DHPS: variants seen among roughly 807,000 people sequenced by gnomAD.
DHPS encodes the protein deoxyhypusine synthase.
DHPS carries 24 observed loss-of-function variants against 38.7 expected under a neutral mutation model. The observed-to-expected ratio is 0.62, with a 90% CI of 0.45 to 0.87. The LOEUF (loss-of-function observed/expected upper bound fraction) is 0.87. DHPS is among the 40% of genes least tolerant of loss of function. DHPS has a pLI of 0.00. For synonymous variants in DHPS, 250 were observed against 204.4 expected (o/e 1.22, Z -1.90); for missense variants, 510 against 497.6 (o/e 1.02, Z -0.24).
At chr19:12,681,486 GC>G (rs1271465714) in intron 1 of DHPS, 73 bp downstream of exon 1, 6 of 1,536,552 alleles carry the variant, frequency 3.9e-6, no homozygotes, top group Non-Finnish European at 5.4e-6. Context: ...TGGAAACGCT[GC>G]CCCCGTCTAG....
chr19:12,679,951 C>G, intron 2 of DHPS, 29 bp from the exon 3 acceptor site: 1 of 1,600,834 alleles, frequency 6.2e-7, no homozygotes, highest in Non-Finnish European at 8.5e-7. Context: ...GAATTTGGCC[C>G]AAGAAGGAAG....
At chr19:12,679,021 C>A (rs1409787840) in intron 5 of DHPS, among the ~76,000 whole-genome samples, 1 of 150,728 alleles carries the variant, frequency 6.6e-6, no homozygotes, top group African/African-American at 2.4e-5. Context: ...CCTGGCTGGG[C>A]ACAGTGGCTC....
At chr19:12,672,935 G>A (rs1422579680), downstream of DHPS, 1 of 1,595,428 alleles carries the variant, frequency 6.3e-7, no homozygotes, top group East Asian at 2.3e-5. Context: ...CTGGGGATGT[G>A]GGACAGGCAG....
chr19:12,681,514 CA>C, intron 1 of DHPS, 45 bp downstream of exon 1: 3 of 1,607,692 alleles, frequency 1.9e-6, no homozygotes, highest in Non-Finnish European at 2.6e-6. Context: ...GTTGGTTCTA[CA>C]AGCCACGCCC....
chr19:12,675,589 G>A (rs1457869825), downstream of DHPS: 2 of 1,605,580 alleles, frequency 1.2e-6, no homozygotes, highest in African/African-American at 1.3e-5. Flanking sequence ...CCACCCAACA[G>A]AGCCCTGCCT....
rs1010577920 is a variant in DHPS, at chr19:12,681,819, G to A, written c.-53C>T. 1.9e-6 allele frequency: 3 copies of A among 1,543,292 alleles called. No homozygotes were observed. In the African/African-American group the frequency reaches 4.1e-5, roughly 21 times the overall value. On this transcript the variant is annotated 5_prime_UTR_variant, in exon 1 of 9. Coordinates refer to ENST00000210060, the MANE Select transcript of DHPS (RefSeq NM_001930.4). ...GCTGCCCCTAGGCCGGGCTTACGGC[G>A]GCCCAGAAACGCGTTAAACCCCGAC...
In DHPS at chr19:12,676,010, C is replaced by T. The variant is rs373795746; in HGVS notation, c.1014+7G>A. On this transcript the variant is annotated splice_region_variant and intron_variant, in intron 8 of 8. Transcript: ENST00000210060. ...GAGACCCTATGCCCCACCCAGCCAG[C>T]GCTTACCTTGACGGGCTGTGCATCC... is the stretch of plus-strand genomic sequence containing the variant. 8.1e-6 allele frequency: 13 copies of T among 1,613,028 alleles called. No individual in the cohort carries two copies. Among genetic ancestry groups the T allele is most frequent in the Non-Finnish European group, 1.1e-5 (13 of 1,179,432 alleles).
chr19:12,677,369 G>A lies in DHPS; in HGVS notation c.706C>T (p.Leu236Phe). ...KNHIPVFSPALTDGSLGDMIF... is the reference protein window; with the variant it reads ...KNHIPVFSPAFTDGSLGDMIF... ...ATGTCGCCCAGCGAGCCGTCTGTAA[G>A]TGCGGGACTAAACACAGGGATGTGG... The change falls in exon 6 of 9, where the codon CTT becomes TTT. Residue 236 changes from leucine to phenylalanine, a missense_variant. By Grantham distance (22) the Leu-to-Phe change is conservative. Transcript: ENST00000210060. The A allele has an allele frequency of 1.2e-6, 2 of 1,614,132 alleles. No individual in the cohort carries two copies. Among genetic ancestry groups the A allele is most frequent in the Non-Finnish European group, 1.7e-6 (2 of 1,180,000 alleles).
In DHPS at chr19:12,675,940, AG is replaced by A. The variant is rs1416157384; in HGVS notation, c.1015-8del. The stretch of plus-strand genomic sequence containing the variant: ...GGGAGGCGTCAGCATAGACCTGGGT[AG>A]GGGGGAACCTGGGTAAGCCATGGGA... On this transcript the variant is annotated splice_region_variant and splice_polypyrimidine_tract_variant and intron_variant, in intron 8 of 8. Coordinates refer to ENST00000210060, the MANE Select transcript of DHPS (RefSeq NM_001930.4). The A allele has an allele frequency of 9.4e-6, 15 of 1,603,852 alleles. No individual in the cohort carries two copies. The Admixed American group carries it at 2.0e-4, about 22-fold the overall frequency.
intron 7 of DHPS, 199 bp from the exon 8 acceptor site, chr19:12,676,341 A>G: frequency 1.5e-6 from 1 of 666,852 alleles, no homozygotes. Flanking sequence ...GTGTTTCCCC[A>G]GACCCAACAG....
At position 12,681,567 on chromosome 19, in the gene DHPS, T is replaced by C. The variant is rs202183750; in HGVS notation, c.200A>G (p.Asn67Ser). 107 of 1,614,284 alleles carry C rather than the reference T, an allele frequency of 6.6e-5. No homozygotes were observed. Among genetic ancestry groups the C allele is most frequent in the East Asian group, 1.6e-4 (7 of 44,890 alleles). The change falls in exon 1 of 9, where the codon AAT becomes AGT. Residue 67 changes from asparagine to serine, a missense_variant. Coordinates refer to ENST00000210060, the MANE Select transcript of DHPS (RefSeq NM_001930.4). Reference protein sequence around the residue: ...TNFGRAVQQVNAMIEKKLEPL... With the variant: ...TNFGRAVQQVSAMIEKKLEPL... Reference sequence around the variant, plus strand: ...ATTCCGCCCGGTCCTCACCATGGCATTGACTTGCTGTACAGCGCGCCCGAA... The same window carrying C: ...ATTCCGCCCGGTCCTCACCATGGCACTGACTTGCTGTACAGCGCGCCCGAA...
chr19:12,676,024 G>C lies in DHPS; in HGVS notation c.1007C>G (p.Pro336Arg). 6.2e-7 allele frequency: 1 copy of C among 1,613,896 alleles called. No individual in the cohort carries two copies. Among genetic ancestry groups the C allele is most frequent in the Non-Finnish European group, 8.5e-7 (1 of 1,179,878 alleles). ...CACCCAGCCAGCGCTTACCTTGACG[G>C]GCTGTGCATCCACCCGGATCTTGCC... ...SWGKIRVDAQ[P>R]VKVYADASLV... The change falls in exon 8 of 9, where the codon CCC (proline) becomes CGC (arginine). Residue 336 changes from proline (P) to arginine (R), a missense_variant. Pro to Arg is a moderately radical substitution (Grantham distance 103, BLOSUM62 -2). Transcript: ENST00000210060.
chr19:12,679,082 C>T (rs112440289), intron 5 of DHPS, among the ~76,000 whole-genome samples: 5,355 of 151,760 alleles, frequency 0.035, 316 homozygotes, highest in African/African-American at 0.12. Context: ...GACTGCCTGA[C>T]GCCAGGAGTT....
chr19:12,681,489 C>T, intron 1 of DHPS, 71 bp downstream of exon 1: 1 of 1,553,222 alleles, frequency 6.4e-7, no homozygotes, highest in South Asian at 1.1e-5. Context: ...AAACGCTGCC[C>T]CCGTCTAGTA....
At chr19:12,676,574 A>C (rs894508218) in intron 7 of DHPS, 1 of 215,704 alleles carries the variant, frequency 4.6e-6, no homozygotes, top group Non-Finnish European at 9.5e-6. Flanking sequence ...CTCAGTGCAA[A>C]AGCCAAAGCC....
At chr19:12,672,665 G>A (rs2024457302), downstream of DHPS, 2 of 631,456 alleles carry the variant, frequency 3.2e-6, no homozygotes, top group Non-Finnish European at 5.7e-6. Flanking sequence ...GAAAGGGGGT[G>A]TGGGTCTTGG....
downstream of DHPS, chr19:12,672,765 C>G: frequency 7.1e-7 from 1 of 1,407,792 alleles, no homozygotes; most frequent in African/African-American, 1.4e-5. Context: ...AAGAGCAGGC[C>G]CACTGGGCTG....
intron 1 of DHPS, among the ~76,000 whole-genome samples, chr19:12,680,579 G>A (rs2024773351): frequency 6.6e-6 from 1 of 150,682 alleles, no homozygotes; most frequent in African/African-American, 2.5e-5. Flanking sequence ...TGTTACCCAG[G>A]CTAGAGTGCA....
intron 1 of DHPS, among the ~76,000 whole-genome samples, chr19:12,680,775 C>T (rs1391319457): frequency 6.7e-6 from 1 of 148,288 alleles, no homozygotes; most frequent in Non-Finnish European, 1.5e-5. Context: ...CTCAGGTGAT[C>T]CGCCCGCCTC....
Sources: allele counts gnomAD v4.1 joint callset (sites outside exome capture counted in the v4.1 genomes callset), GRCh38; gene constraint gnomAD v4.1.1; transcripts MANE v1.5; gene names NCBI Gene and HGNC (gene_info 2026-07-23, HGNC 2026-07-21).